ABAT: variants seen among roughly 807,000 people sequenced by gnomAD.
The protein encoded by ABAT is 4-aminobutyrate aminotransferase, mitochondrial.
ABAT carries 45 observed loss-of-function variants against 64.6 expected under a neutral mutation model. The observed-to-expected ratio is 0.70, with a 90% CI of 0.55 to 0.89. ABAT has a LOEUF of 0.89. Among genes scored for constraint, ABAT ranks in the 40% least tolerant of loss-of-function variants. The pLI is 0.00. For synonymous variants in ABAT, 297 were observed against 250.5 expected (o/e 1.19, Z -1.75); for missense variants, 633 against 658.4 (o/e 0.96, Z 0.42).
intron 1 of ABAT, among the ~76,000 whole-genome samples, chr16:8,702,999 G>C (rs2057859518): frequency 6.6e-6 from 1 of 152,142 alleles, no homozygotes; most frequent in Non-Finnish European, 1.5e-5. Flanking sequence ...TGATGCATGA[G>C]AGTGTGCCAG....
chr16:8,680,060 G>A (rs1248194441), intron 1 of ABAT, among the ~76,000 whole-genome samples: 2 of 152,090 alleles, frequency 1.3e-5, no homozygotes, highest in African/African-American at 2.4e-5. Flanking sequence ...CTCACATTGC[G>A]TCTTTTACAG....
intron 1 of ABAT, chr16:8,705,312 T>C (rs2057915415): frequency 6.6e-6 from 1 of 151,848 alleles, no homozygotes; most frequent in South Asian, 2.1e-4. Context: ...AACCGTCAGA[T>C]CTCGTGAGAA....
At chr16:8,675,250 A>G (rs1470038369) in intron 1 of ABAT, among the ~76,000 whole-genome samples, 2 of 151,940 alleles carry the variant, frequency 1.3e-5, no homozygotes, top group Non-Finnish European at 2.9e-5. Context: ...CTCTGGAGAG[A>G]TAGATGATTC....
At chr16:8,700,290 T>G (rs772858409) in intron 1 of ABAT, among the ~76,000 whole-genome samples, 5 of 152,208 alleles carry the variant, frequency 3.3e-5, no homozygotes, top group Non-Finnish European at 5.9e-5. Flanking sequence ...GGCTGGACTT[T>G]CCTGATATTC....
At chr16:8,767,523 G>A (rs1596466664) in intron 9 of ABAT, among the ~76,000 whole-genome samples, 1 of 152,214 alleles carries the variant, frequency 6.6e-6, no homozygotes, top group Non-Finnish European at 1.5e-5. Context: ...AAAAGGGGCT[G>A]AAAACCCAGG....
chr16:8,762,432 G>A (rs2059824975), intron 6 of ABAT, among the ~76,000 whole-genome samples: 1 of 152,098 alleles, frequency 6.6e-6, no homozygotes, highest in African/African-American at 2.4e-5. Context: ...CTCCAGTTTG[G>A]CAGATGAGAA....
At chr16:8,753,552 C>G (rs972660519) in intron 5 of ABAT, among the ~76,000 whole-genome samples, 2 of 152,192 alleles carry the variant, frequency 1.3e-5, no homozygotes, top group Non-Finnish European at 2.9e-5. Context: ...CAGTAAGGCA[C>G]GCCACATCTG....
In ABAT at chr16:8,686,109, G is replaced by T. The variant is rs145738938; in HGVS notation, c.-42+11398G>T. 5.9e-5 allele frequency among the ~76,000 whole-genome samples: 9 copies of T among 152,234 alleles called. No individual in the cohort carries two copies. In the East Asian group the frequency reaches 1.7e-3, roughly 29 times the overall value. On this transcript the variant is annotated intron_variant, in intron 1 of 15. Transcript: ENST00000268251. The stretch of plus-strand genomic sequence containing the variant: ...GCCAAAAGAGCAAGGCACCACCCCG[G>T]CAGGACAGGGCTGTTTTGTGCACGG...
Position 8,764,089 on chromosome 16 carries a change from C to T in ABAT, c.387C>T (p.Pro129=), listed in dbSNP as rs759203240. Residue 129 remains proline (P), a synonymous_variant, in exon 7 of 16, where the codon CCC becomes CCT. Transcript: ENST00000268251. This position sits in a 1 kb window ranked among gnomAD's most constrained non-coding sequence, Gnocchi z 4.2. ...TGCAGAGCATGTTTGTCAACAGACC[C>T]GCCCTCGGAATCCTGCCTCCGGAGA... is the stretch of plus-strand genomic sequence containing the variant. ...PQNASMFVNR[P]ALGILPPENF... 30 of 1,613,624 alleles carry T rather than the reference C, an allele frequency of 1.9e-5. 1 individual carries two copies. Among genetic ancestry groups the T allele is most frequent in the East Asian group, 1.6e-4 (7 of 44,852 alleles).
chr16:8,727,355 A>T (rs1325043909), intron 1 of ABAT, among the ~76,000 whole-genome samples: 1 of 151,928 alleles, frequency 6.6e-6, no homozygotes, highest in Non-Finnish European at 1.5e-5. Flanking sequence ...ACCCACTCTC[A>T]CTGTGCACCA....
Position 8,779,522 on chromosome 16 carries a change from C to T in ABAT, c.1313C>T (p.Thr438Ile), listed in dbSNP as rs1285731877. Reference protein sequence around the residue: ...QFISRVRGRGTFCSFDTPDDS... With the variant: ...QFISRVRGRGIFCSFDTPDDS... ...ATCAGCAGGGTGAGAGGACGAGGCACCTTTTGCTCCTTCGATACTCCCGAT... is the reference window on the plus strand; with the variant it reads ...ATCAGCAGGGTGAGAGGACGAGGCATCTTTTGCTCCTTCGATACTCCCGAT... Residue 438 changes from threonine to isoleucine, a missense_variant, in exon 15 of 16, where the codon ACC becomes ATC. Transcript: ENST00000268251. The T allele has an allele frequency of 3.1e-6, 5 of 1,614,064 alleles. No homozygotes were observed. In the East Asian group the frequency reaches 1.1e-4, roughly 36 times the overall value.
chr16:8,713,730 G>T (rs763113131), intron 1 of ABAT: 2 of 384,626 alleles, frequency 5.2e-6, no homozygotes, highest in Non-Finnish European at 1.1e-5. Context: ...ACCCTCCTGA[G>T]GAGGGAGCTG....
chr16:8,757,767 C>T lies in ABAT; in HGVS notation c.327C>T (p.His109=), dbSNP rs1393125718. ...QISSVPIGYS[H]PALLKLIQQP... ...CTCTCCTGCCCTCAGGTTACAGCCA[C>T]CCCGCCCTGCTGAAACTCATCCAAC... is the stretch of plus-strand genomic sequence containing the variant. The change falls in exon 6 of 16, where the codon CAC becomes CAT. Residue 109 remains histidine (H), a synonymous_variant. Transcript: ENST00000268251. 1 of 1,614,116 alleles carries T rather than the reference C, an allele frequency of 6.2e-7. No homozygotes were observed. The highest frequency in any genetic ancestry group is 8.5e-7 in the Non-Finnish European group (1 of 1,179,972).
chr16:8,683,990 G>A (rs1352266360), intron 1 of ABAT, among the ~76,000 whole-genome samples: 1 of 152,136 alleles, frequency 6.6e-6, no homozygotes, highest in Non-Finnish European at 1.5e-5. Context: ...GATGGAGGGA[G>A]AGACAAAGAC....
At chr16:8,715,726 T>C (rs2058199168) in intron 1 of ABAT, 1 of 151,470 alleles carries the variant, frequency 6.6e-6, no homozygotes, top group East Asian at 1.9e-4. Context: ...ATAGTATTTA[T>C]AGTATTTTTA....
chr16:8,733,370 T>G (rs1365705920), intron 1 of ABAT, among the ~76,000 whole-genome samples: 3 of 148,722 alleles, frequency 2.0e-5, no homozygotes, highest in Non-Finnish European at 3.0e-5. Flanking sequence ...GCCGAGGGGC[T>G]CCTCACATCC....
intron 1 of ABAT, among the ~76,000 whole-genome samples, chr16:8,702,531 G>T (rs950315005): frequency 6.6e-6 from 1 of 152,168 alleles, no homozygotes; most frequent in African/African-American, 2.4e-5. Flanking sequence ...GGGATTATAG[G>T]CGGGAGCCAC....
rs149675077 is a variant in ABAT, at chr16:8,738,159, A to G, written c.70+2350A>G. 6.1e-3 allele frequency among the ~76,000 whole-genome samples: 921 copies of G among 151,620 alleles called. 4 individuals are homozygous for G. Among genetic ancestry groups the G allele is most frequent in the Middle Eastern group, 0.037 (11 of 294 alleles). On this transcript the variant is annotated intron_variant, in intron 2 of 15. Coordinates refer to ENST00000268251, the MANE Select transcript of ABAT (RefSeq NM_020686.6). ...AACATAGGGAGACCCTGTCTCTGTGAAAAATACAAAACTTAGCTGGGCATG... is the reference window on the plus strand; with the variant it reads ...AACATAGGGAGACCCTGTCTCTGTGGAAAATACAAAACTTAGCTGGGCATG...
intron 1 of ABAT, among the ~76,000 whole-genome samples, chr16:8,729,626 C>T (rs1316455483): frequency 6.6e-6 from 1 of 151,936 alleles, no homozygotes; most frequent in Non-Finnish European, 1.5e-5. Context: ...TGAGACCAGC[C>T]TGGGCAACAC....
Sources: gnomAD v4.1 joint callset for allele counts (sites outside exome capture counted in the v4.1 genomes callset) on GRCh38, gnomAD v4.1.1 for gene constraint, Gnocchi (gnomAD v3.1) non-coding constraint, MANE v1.5 for transcripts, NCBI Gene and HGNC (gene_info 2026-07-23, HGNC 2026-07-21) for gene names.